CEACAM19: variants seen among roughly 807,000 people sequenced by gnomAD.
CEACAM19 encodes the protein CEA cell adhesion molecule 19, also known as cell adhesion molecule CEACAM19.
Under a neutral mutation model 37.6 loss-of-function variants are expected in CEACAM19, and 37 were observed. That is an observed-to-expected ratio of 0.98 (90% CI 0.76 to 1.29). The LOEUF (loss-of-function observed/expected upper bound fraction) is 1.29. Among genes scored for constraint, CEACAM19 ranks in the 50% most tolerant of loss-of-function variants. The pLI is 0.00. For synonymous variants in CEACAM19, 140 were observed against 149.8 expected, an observed-to-expected ratio of 0.93 and a Z score of 0.48; for missense variants, 340 against 375.6, an observed-to-expected ratio of 0.91 and a Z score of 0.78.
intron 4 of CEACAM19, 66 bp downstream of exon 4, chr19:44,679,002 T>C: frequency 6.9e-6 from 11 of 1,591,198 alleles, no homozygotes; most frequent in Non-Finnish European, 9.4e-6. Context: ...AAGAGTACTT[T>C]TGTTTTCAGA....
intron 6 of CEACAM19, among the ~76,000 whole-genome samples, chr19:44,681,517 A>T (rs1339756850): frequency 6.6e-6 from 1 of 152,168 alleles, no homozygotes; most frequent in Non-Finnish European, 1.5e-5. Context: ...CGGGGTGTGG[A>T]GGCTGGTGGG....
At chr19:44,670,116 G>A (rs184820315), upstream of CEACAM19, among the ~76,000 whole-genome samples, 92 of 152,158 alleles carry the variant, frequency 6.0e-4, no homozygotes, top group Admixed American at 3.1e-3. Flanking sequence ...GAGCCCAGGA[G>A]TTCAACACCA....
Position 44,672,511 on chromosome 19 carries a change from C to T in CEACAM19, c.56-85C>T, listed in dbSNP as rs113667522. ...AGCAGCACTCAGAGTCCTTGCTCCCCGCTGAAGATCTGTATCTAGAGAGGA... is the reference window on the plus strand; with the variant it reads ...AGCAGCACTCAGAGTCCTTGCTCCCTGCTGAAGATCTGTATCTAGAGAGGA... On this transcript the variant is annotated intron_variant, in intron 1 of 7. Transcript: ENST00000358777. The T allele has an allele frequency of 3.4e-5, 46 of 1,344,154 alleles. 1 individual carries two copies. The African/African-American group carries it at 3.4e-4, about 10-fold the overall frequency. The allele number at this position is 1,344,154 out of a possible 1,614,324, so 83.3% of individuals were successfully genotyped here.
At chr19:44,677,309 C>T (rs1021911719) in intron 3 of CEACAM19, among the ~76,000 whole-genome samples, 1 of 152,166 alleles carries the variant, frequency 6.6e-6, no homozygotes, top group Non-Finnish European at 1.5e-5. Flanking sequence ...GATCCAACTC[C>T]GTTTAATCAA....
intron 4 of CEACAM19, 98 bp from the exon 5 acceptor site, chr19:44,680,190 T>C: frequency 1.0e-6 from 1 of 971,328 alleles, no homozygotes. Context: ...CCATGTGGCT[T>C]TCAGGGACCT....
intron 2 of CEACAM19, among the ~76,000 whole-genome samples, chr19:44,673,382 G>C (rs751421580): frequency 2.0e-5 from 3 of 152,158 alleles, no homozygotes; most frequent in Admixed American, 1.3e-4. Flanking sequence ...GGCATTTCTT[G>C]GGTGATCGTT....
upstream of CEACAM19, among the ~76,000 whole-genome samples, chr19:44,668,268 A>T (rs1285641587): frequency 6.0e-5 from 5 of 83,252 alleles, no homozygotes; most frequent in East Asian, 1.5e-3. Context: ...TTATATTTAT[A>T]TAATATGTTT....
chr19:44,667,814 T>A (rs1294195927), upstream of CEACAM19, among the ~76,000 whole-genome samples: 6 of 66,518 alleles, frequency 9.0e-5, no homozygotes, highest in African/African-American at 3.0e-4. Flanking sequence ...ATTTATATAT[T>A]ATATATAAAT....
At chr19:44,669,806 G>T (rs374321798), upstream of CEACAM19, among the ~76,000 whole-genome samples, 13 of 152,026 alleles carry the variant, frequency 8.6e-5, no homozygotes, top group African/African-American at 2.9e-4. Flanking sequence ...GTCTCCTTGG[G>T]CTCTCCCAGA....
At chr19:44,666,663 C>CT (rs1973720249), upstream of CEACAM19, among the ~76,000 whole-genome samples, 1 of 152,114 alleles carries the variant, frequency 6.6e-6, no homozygotes, top group Admixed American at 6.6e-5. Flanking sequence ...GAGTGAGAAT[C>CT]TGTCAGGTGG....
intron 5 of CEACAM19, among the ~76,000 whole-genome samples, chr19:44,680,647 C>T (rs1974040825): frequency 6.6e-6 from 1 of 152,096 alleles, no homozygotes; most frequent in Non-Finnish European, 1.5e-5. Flanking sequence ...CTCCCAGCCT[C>T]CAGACCCCTC....
rs1275769727 is a variant in CEACAM19, at chr19:44,681,214, G to A, written c.707-13G>A. The A allele has an allele frequency of 6.2e-7, 1 of 1,608,494 alleles. No homozygotes were observed. Among genetic ancestry groups the A allele is most frequent in the Non-Finnish European group, 8.5e-7 (1 of 1,175,248 alleles). ...CATGTGTCAGCTGGTACCTCCCCTG[G>A]CCTCTGTTTCAGGTGACAACAACAT... On this transcript the variant is annotated splice_polypyrimidine_tract_variant and intron_variant, in intron 5 of 7. Transcript: ENST00000358777.
intron 5 of CEACAM19, among the ~76,000 whole-genome samples, chr19:44,680,567 A>C (rs1311864831): frequency 6.6e-6 from 1 of 151,774 alleles, no homozygotes; most frequent in Non-Finnish European, 1.5e-5. Flanking sequence ...CCATCATGCA[A>C]GTGGATCCCA....
chr19:44,677,432 G>GGA (rs146217697), intron 3 of CEACAM19, among the ~76,000 whole-genome samples: 3,264 of 147,816 alleles, frequency 0.022, 48 homozygotes, highest in East Asian at 0.047. Flanking sequence ...CTACTTGTAT[G>GGA]GAGAGAGAGA....
At chr19:44,674,969 T>C (rs1010130554) in intron 2 of CEACAM19, among the ~76,000 whole-genome samples, 7 of 152,108 alleles carry the variant, frequency 4.6e-5, no homozygotes, top group Admixed American at 4.6e-4. Context: ...TCAGGTGGCC[T>C]GGGTATGATC....
chr19:44,666,219 G>A (rs948509090), intron 1 of CEACAM19: 22 of 152,268 alleles, frequency 1.4e-4, no homozygotes, highest in African/African-American at 4.3e-4. Flanking sequence ...AGGGAGGGAA[G>A]AATGGAGGGA....
In CEACAM19 at chr19:44,672,932, C is replaced by A; in HGVS notation, c.392C>A (p.Thr131Asn). Residue 131 changes from threonine to asparagine, a missense_variant, in exon 2 of 8, where the codon ACT (threonine) becomes AAT (asparagine). By Grantham distance (65) the Thr-to-Asn change is moderately conservative. Transcript: ENST00000358777. ...GCCATTACCATCAACTCTGAATGGA[C>A]TATGAAGGCCAAGACTGAGGTCCAG... The part of the protein sequence containing the change: ...QVAITINSEW[T>N]MKAKTEVQVA... 1 of 1,513,568 alleles carries A rather than the reference C, an allele frequency of 6.6e-7. No homozygotes were observed. The highest frequency in any genetic ancestry group is 1.3e-5 in the South Asian group (1 of 75,820). The allele number at this position is 1,513,568 out of a possible 1,614,324, so 93.8% of individuals were successfully genotyped here.
chr19:44,673,674 T>G (rs1973896781), intron 2 of CEACAM19: 1 of 152,146 alleles, frequency 6.6e-6, no homozygotes, highest in South Asian at 2.1e-4. Context: ...TTAAAACAAC[T>G]CCATGAGGCC....
Position 44,672,686 on chromosome 19 carries a change from T to C in CEACAM19, c.146T>C (p.Leu49Pro). ...IPEQPQKNQD[L>P]LLSVQGVPDT... ...GAGCAGCCTCAAAAGAACCAGGACC[T>C]TCTCCTGTCAGTCCAGGGTGTCCCA... is the stretch of plus-strand genomic sequence containing the variant. Residue 49 changes from leucine (L) to proline (P), a missense_variant, in exon 2 of 8, where the codon CTT becomes CCT. Physicochemically the swap from Leu to Pro is moderately conservative, Grantham distance 98. Coordinates refer to ENST00000358777, the MANE Select transcript of CEACAM19 (RefSeq NM_001127893.3). 1.3e-6 allele frequency: 2 copies of C among 1,560,830 alleles called. No individual in the cohort carries two copies. Among genetic ancestry groups the C allele is most frequent in the Non-Finnish European group, 1.7e-6 (2 of 1,152,596 alleles).
Sources: allele counts gnomAD v4.1 joint callset (sites outside exome capture counted in the v4.1 genomes callset), GRCh38; gene constraint gnomAD v4.1.1; transcripts MANE v1.5; gene names NCBI Gene and HGNC (gene_info 2026-07-23, HGNC 2026-07-21).